RIT2: variants seen among roughly 807,000 people sequenced by gnomAD.
The protein encoded by RIT2 is GTP-binding protein Rit2.
A neutral mutation model predicts 23.7 loss-of-function variants in RIT2; 24 were observed. The ratio of observed to expected loss-of-function variants is 1.01; its 90% CI spans 0.73 to 1.43. RIT2 has a LOEUF of 1.43. RIT2 is among the 40% of genes most tolerant of loss of function. RIT2 has a pLI of 0.00. For synonymous variants in RIT2, 107 were observed against 91.1 expected (o/e 1.17, Z -0.99); for missense variants, 236 against 266.9 (o/e 0.88, Z 0.81).
intron 4 of RIT2, among the ~76,000 whole-genome samples, chr18:42,916,832 G>T (rs753179531): frequency 6.6e-6 from 1 of 152,040 alleles, no homozygotes; most frequent in Non-Finnish European, 1.5e-5. Flanking sequence ...AGTCTGAAGC[G>T]CAAGATGTTT....
intron 3 of RIT2, among the ~76,000 whole-genome samples, chr18:42,964,248 T>C (rs967296587): frequency 2.0e-5 from 3 of 151,622 alleles, no homozygotes; most frequent in African/African-American, 7.3e-5. Context: ...AATCAATCAA[T>C]CTTCAGGCCT....
At chr18:42,931,153 C>T (rs370217132) in intron 3 of RIT2, among the ~76,000 whole-genome samples, 19 of 152,004 alleles carry the variant, frequency 1.2e-4, no homozygotes, top group African/African-American at 4.1e-4. Flanking sequence ...TGGATCAAAG[C>T]CCAAAAGATA....
chr18:42,973,662 G>A (rs138132127), intron 3 of RIT2, among the ~76,000 whole-genome samples: 1 of 151,726 alleles, frequency 6.6e-6, no homozygotes, highest in East Asian at 1.9e-4. Context: ...TCTTGGTTAT[G>A]TCACTTATTT....
At chr18:42,944,628 C>A (rs1011868888) in intron 3 of RIT2, among the ~76,000 whole-genome samples, 1 of 151,966 alleles carries the variant, frequency 6.6e-6, no homozygotes, top group Non-Finnish European at 1.5e-5. Flanking sequence ...CAGGTATCGC[C>A]CAATTCTCTC....
chr18:42,949,231 C>T (rs1416240728), intron 3 of RIT2, among the ~76,000 whole-genome samples: 1 of 152,050 alleles, frequency 6.6e-6, no homozygotes, highest in Non-Finnish European at 1.5e-5. Context: ...CAATAATTCC[C>T]TATTGATGTG....
chr18:42,780,047 GTTTT>G (rs71175923), intron 4 of RIT2, among the ~76,000 whole-genome samples: 2 of 59,594 alleles, frequency 3.4e-5, no homozygotes, highest in African/African-American at 1.2e-4. Context: ...CAATTTAGAG[GTTTT>G]TTTTTTTTTT....
intron 1 of RIT2, among the ~76,000 whole-genome samples, chr18:43,045,935 C>T (rs1007255901): frequency 3.9e-5 from 6 of 151,976 alleles, no homozygotes; most frequent in East Asian, 1.9e-4. Context: ...AAATTAATTA[C>T]GGTAATAATG....
chr18:42,763,506 A>G (rs1913352820), intron 4 of RIT2, among the ~76,000 whole-genome samples: 1 of 151,992 alleles, frequency 6.6e-6, no homozygotes, highest in African/African-American at 2.4e-5. Flanking sequence ...CTTACCATGA[A>G]TGAAGCTTCC....
At chr18:42,761,790 G>C (rs1420555936) in intron 4 of RIT2, among the ~76,000 whole-genome samples, 1 of 152,180 alleles carries the variant, frequency 6.6e-6, no homozygotes, top group Non-Finnish European at 1.5e-5. Context: ...TGATTTTCAT[G>C]CCTCAGCCTC....
At chr18:42,948,418 G>A (rs551316550) in intron 3 of RIT2, among the ~76,000 whole-genome samples, 12 of 152,104 alleles carry the variant, frequency 7.9e-5, no homozygotes, top group African/African-American at 1.9e-4. Flanking sequence ...ATGATTCAGG[G>A]TAATGTACCA....
intron 1 of RIT2, among the ~76,000 whole-genome samples, chr18:43,085,996 G>A (rs1913275088): frequency 1.3e-5 from 2 of 152,136 alleles, no homozygotes; most frequent in Non-Finnish European, 2.9e-5. Context: ...GGAATTGTGA[G>A]TCCATTAAAC....
Position 42,794,180 on chromosome 18 carries a change from G to C in RIT2, c.427-50460C>G, listed in dbSNP as rs147000353. Among the ~76,000 whole-genome samples, 189 of 152,204 alleles carry C rather than the reference G, an allele frequency of 1.2e-3. 1 individual carries two copies. Among genetic ancestry groups the C allele is most frequent in the African/African-American group, 4.3e-3 (180 of 41,538 alleles). ...GGCACTCCTTCTTTTCCTCCTTCCAGAGTGCCCTGCAGGGTGCTAGGCCAC... is the reference window on the plus strand; with the variant it reads ...GGCACTCCTTCTTTTCCTCCTTCCACAGTGCCCTGCAGGGTGCTAGGCCAC... On this transcript the variant is annotated intron_variant, in intron 4 of 4. Transcript: ENST00000326695.
intron 4 of RIT2, among the ~76,000 whole-genome samples, chr18:42,919,880 A>G (rs1330807979): frequency 6.6e-6 from 1 of 152,124 alleles, no homozygotes; most frequent in Non-Finnish European, 1.5e-5. Flanking sequence ...CAGTGGGAAG[A>G]CAGAAGCCTG....
intron 2 of RIT2, among the ~76,000 whole-genome samples, chr18:43,006,064 A>C (rs1294835095): frequency 6.6e-6 from 1 of 151,758 alleles, no homozygotes; most frequent in Non-Finnish European, 1.5e-5. Flanking sequence ...AAAATTGAGA[A>C]TAACAGGCTT....
intron 1 of RIT2, among the ~76,000 whole-genome samples, chr18:43,086,596 G>A (rs987435508): frequency 6.6e-6 from 1 of 152,134 alleles, no homozygotes; most frequent in Non-Finnish European, 1.5e-5. Context: ...TAATATGAAG[G>A]CTGGGGATGA....
chr18:42,823,615 C>A (rs1906210263), intron 4 of RIT2, among the ~76,000 whole-genome samples: 1 of 152,104 alleles, frequency 6.6e-6, no homozygotes, highest in Non-Finnish European at 1.5e-5. Context: ...TTTATCCCTG[C>A]ACACTTTTTT....
chr18:42,976,844 AG>A (rs1019132349), intron 2 of RIT2, among the ~76,000 whole-genome samples: 1 of 152,092 alleles, frequency 6.6e-6, no homozygotes, highest in African/African-American at 2.4e-5. Flanking sequence ...GTAGTAATTC[AG>A]GTGAGAAATA....
chr18:42,819,455 G>C (rs1430644770), intron 4 of RIT2, among the ~76,000 whole-genome samples: 1 of 151,920 alleles, frequency 6.6e-6, no homozygotes, highest in Non-Finnish European at 1.5e-5. Flanking sequence ...TGGTTTTGTT[G>C]TTGTTGTTGT....
At chr18:42,994,252 G>A (rs8089426) in intron 2 of RIT2, among the ~76,000 whole-genome samples, 18,734 of 152,048 alleles carry the variant, frequency 0.12, 1,285 homozygotes, top group African/African-American at 0.16. Flanking sequence ...AAGGCTTCAC[G>A]GACAGCCCCC....
Sources: gnomAD v4.1 joint callset for allele counts (sites outside exome capture counted in the v4.1 genomes callset) on GRCh38, gnomAD v4.1.1 for gene constraint, MANE v1.5 for transcripts, NCBI Gene and HGNC (gene_info 2026-07-23, HGNC 2026-07-21) for gene names.